DMD: variants seen among roughly 807,000 people sequenced by gnomAD.
The protein encoded by DMD is mutant dystrophin.
A neutral mutation model predicts 330.1 loss-of-function variants in DMD; 63 were observed. The ratio of observed to expected loss-of-function variants is 0.19; its 90% CI spans 0.16 to 0.24. The LOEUF (loss-of-function observed/expected upper bound fraction) is 0.24, where lower values mean the gene tolerates loss of function less well. DMD is among the 10% of genes least tolerant of loss of function. The probability of loss-of-function intolerance (pLI) is 1.00; values close to 1 mark genes in which losing one functional copy is unlikely to be tolerated. For synonymous variants in DMD, 1,223 were observed against 959.8 expected (o/e 1.27, Z -5.07); for missense variants, 3,344 against 2,684.1 (o/e 1.25, Z -5.43).
chrX:32,542,274 A>G (rs2048555935), intron 17 of DMD, among the ~76,000 whole-genome samples: 1 of 111,219 alleles, frequency 9.0e-6, no homozygotes, highest in African/African-American at 3.3e-5. Context: ...ACTAAAAAAT[A>G]CAAAAAAAAT....
rs779479692 is a variant in DMD at position 32,018,997 on chromosome X, G to T, written c.6439-50483C>A. 9.9e-5 allele frequency among the ~76,000 whole-genome samples: 11 copies of T among 111,423 alleles called. No homozygotes were observed. The East Asian group carries it at 1.7e-3, about 17-fold the overall frequency. Reference sequence around the variant, plus strand: ...GGATTGCCTGTTTTTGCAAGTTCCAGCATCTAATGTTTCACCTTGAAAAAT... The same window carrying T: ...GGATTGCCTGTTTTTGCAAGTTCCATCATCTAATGTTTCACCTTGAAAAAT... On this transcript the variant is annotated intron_variant, in intron 44 of 78. Coordinates refer to ENST00000357033, the MANE Select transcript of DMD (RefSeq NM_004006.3).
intron 52 of DMD, among the ~76,000 whole-genome samples, chrX:31,690,983 G>T (rs1322939375): frequency 9.1e-6 from 1 of 110,369 alleles, no homozygotes; most frequent in Admixed American, 9.7e-5. Context: ...TGAGGGGACG[G>T]GGGAGGGATA....
At chrX:32,733,223 T>A (rs769066570) in intron 7 of DMD, among the ~76,000 whole-genome samples, 4 of 111,341 alleles carry the variant, frequency 3.6e-5, no homozygotes, top group Admixed American at 1.9e-4. Flanking sequence ...CTATCCTAAA[T>A]ATATATGCAC....
intron 1 of DMD, among the ~76,000 whole-genome samples, chrX:33,060,609 G>A (rs185336313): frequency 3.0e-4 from 33 of 111,114 alleles, no homozygotes; most frequent in African/African-American, 1.0e-3. Flanking sequence ...GAGGCAGGTG[G>A]ATCACCTGAG....
intron 7 of DMD, among the ~76,000 whole-genome samples, chrX:32,787,627 C>CTTTTTATTATAGCAATATGCAGAA (rs1242365548): frequency 1.8e-5 from 2 of 111,252 alleles, no homozygotes; most frequent in Non-Finnish European, 3.8e-5. Context: ...AGATTAATAA[C>CTTTTTATTATAGCAATATGCAGAA]TAATAGAACA....
At chrX:31,687,992 C>A (rs1299025541) in intron 52 of DMD, among the ~76,000 whole-genome samples, 1 of 111,093 alleles carries the variant, frequency 9.0e-6, no homozygotes, top group South Asian at 3.8e-4. Flanking sequence ...TCTTTCTCTA[C>A]CTCCTGTTTA....
intron 47 of DMD, among the ~76,000 whole-genome samples, chrX:31,909,794 C>T (rs905334977): frequency 6.2e-5 from 7 of 112,232 alleles, no homozygotes; most frequent in Non-Finnish European, 9.4e-5. Context: ...AGTTTTCTTT[C>T]GTTTTTCTAA....
At chrX:31,784,261 G>T (rs889454010) in intron 50 of DMD, among the ~76,000 whole-genome samples, 8 of 111,475 alleles carry the variant, frequency 7.2e-5, no homozygotes, top group Non-Finnish European at 1.3e-4. Context: ...GTCAATCATC[G>T]GGGAAATGCA....
intron 1 of DMD, among the ~76,000 whole-genome samples, chrX:33,105,420 A>G (rs753137803): frequency 3.6e-5 from 4 of 112,026 alleles, no homozygotes; most frequent in African/African-American, 9.7e-5. Flanking sequence ...AAATAAAAAT[A>G]AACAAATGGG....
At chrX:32,772,320 G>C (rs767489908) in intron 7 of DMD, among the ~76,000 whole-genome samples, 3 of 112,675 alleles carry the variant, frequency 2.7e-5, no homozygotes, top group Non-Finnish European at 5.6e-5. Context: ...ATTGTTAGTA[G>C]AATTCTACAT....
chrX:32,033,653 G>GAAGAAAGAAAGAAGAAAGA (rs2095910577), intron 44 of DMD, among the ~76,000 whole-genome samples: 2 of 59,099 alleles, frequency 3.4e-5, no homozygotes, highest in African/African-American at 1.4e-4. Flanking sequence ...AAGAAAGAAA[G>GAAGAAAGAAAGAAGAAAGA]AAGAAAGAAA....
intron 78 of DMD, among the ~76,000 whole-genome samples, chrX:31,122,133 GTTGT>G (rs746235206): frequency 8.9e-6 from 1 of 111,923 alleles, no homozygotes; most frequent in African/African-American, 3.2e-5. Context: ...GCCATTACAC[GTTGT>G]TTGTTAGTAT....
intron 7 of DMD, among the ~76,000 whole-genome samples, chrX:32,781,790 A>C (rs1205070139): frequency 9.0e-6 from 1 of 111,532 alleles, no homozygotes; most frequent in African/African-American, 3.3e-5. Flanking sequence ...TCAGAGAGAA[A>C]ACTAGCCTAA....
At chrX:32,398,005 T>C (rs773560066) in intron 30 of DMD, among the ~76,000 whole-genome samples, 3 of 111,088 alleles carry the variant, frequency 2.7e-5, no homozygotes, top group African/African-American at 9.8e-5. Context: ...ATTAGTAATT[T>C]TGAAAGAGCC....
chrX:33,131,269 G>C (rs778781445), intron 1 of DMD, among the ~76,000 whole-genome samples: 41 of 110,945 alleles, frequency 3.7e-4, no homozygotes, highest in Admixed American at 3.7e-3. Flanking sequence ...CTCCAACTTT[G>C]CTGATATTAG....
chrX:31,766,243 T>G (rs2089986584), intron 51 of DMD, among the ~76,000 whole-genome samples: 1 of 112,019 alleles, frequency 8.9e-6, no homozygotes, highest in Non-Finnish European at 1.9e-5. Flanking sequence ...AAAGGAAATT[T>G]GTAAATAGAA....
At chrX:32,990,040 A>G (rs1192210339) in intron 2 of DMD, among the ~76,000 whole-genome samples, 1 of 112,098 alleles carries the variant, frequency 8.9e-6, no homozygotes, top group Admixed American at 9.5e-5. Context: ...GTGCAACTGC[A>G]ATGTTACTGC....
At chrX:32,485,736 T>TTTTTTTTG (rs2042382843) in intron 20 of DMD, among the ~76,000 whole-genome samples, 1 of 54,811 alleles carries the variant, frequency 1.8e-5, no homozygotes. Flanking sequence ...AACCACTGCT[T>TTTTTTTTG]TTTTTTTTTT....
intron 65 of DMD, 120 bp downstream of exon 65, chrX:31,209,378 C>T: frequency 4.2e-6 from 3 of 708,015 alleles, no homozygotes; most frequent in Non-Finnish European, 2.2e-6. Flanking sequence ...TGATTTATCA[C>T]AGGAAGAGCA....
Sources: allele counts gnomAD v4.1 joint callset (sites outside exome capture counted in the v4.1 genomes callset), GRCh38; gene constraint gnomAD v4.1.1; transcripts MANE v1.5; gene names NCBI Gene and HGNC (gene_info 2026-07-23, HGNC 2026-07-21).